Variants in DPP4 observed in about 807,000 individuals in gnomAD.
The protein encoded by DPP4 is dipeptidyl peptidase 4, also known as ADCP-2.
DPP4 carries 93 observed loss-of-function variants against 122.4 expected under a neutral mutation model. The observed-to-expected ratio is 0.76, with a 90% CI of 0.64 to 0.90. The LOEUF is 0.90. Ranked by LOEUF, DPP4 falls within the 40% of genes least tolerant of loss-of-function variation. The probability of loss-of-function intolerance (pLI) is 0.00; values close to 1 mark genes in which losing one functional copy is unlikely to be tolerated. For synonymous variants in DPP4, 321 were observed against 302.9 expected (o/e 1.06, Z -0.62); for missense variants, 914 against 907.3 (o/e 1.01, Z -0.09).
chr2:162,032,831 A>AAGGTGC (rs1288616911), intron 10 of DPP4, among the ~76,000 whole-genome samples: 2 of 152,228 alleles, frequency 1.3e-5, no homozygotes, highest in African/African-American at 4.8e-5. Context: ...CAAGGGGCTG[A>AAGGTGC]AGGTGCTCCA....
chr2:162,066,973 A>T (rs1684967391), intron 2 of DPP4, among the ~76,000 whole-genome samples: 1 of 152,282 alleles, frequency 6.6e-6, no homozygotes, highest in Admixed American at 6.5e-5. Flanking sequence ...TCAAATTTCA[A>T]CATGAGGTTT....
intron 20 of DPP4, among the ~76,000 whole-genome samples, chr2:162,011,149 T>C (rs1254071013): frequency 1.3e-5 from 2 of 152,154 alleles, no homozygotes; most frequent in Non-Finnish European, 2.9e-5. Flanking sequence ...TCATGCAACA[T>C]GCATCTTATG....
At chr2:162,067,255 A>G (rs1684979157) in intron 2 of DPP4, among the ~76,000 whole-genome samples, 1 of 152,190 alleles carries the variant, frequency 6.6e-6, no homozygotes, top group Non-Finnish European at 1.5e-5. Flanking sequence ...CAACTGAGGA[A>G]AACAAGAAAA....
chr2:162,030,575 G>A (rs73007396), intron 10 of DPP4, among the ~76,000 whole-genome samples: 1,524 of 152,274 alleles, frequency 0.01, 30 homozygotes, highest in African/African-American at 0.035. Context: ...ACTAAGAGGC[G>A]TAACTCACCT....
chr2:162,030,694 C>T (rs923333511), intron 10 of DPP4, among the ~76,000 whole-genome samples: 5 of 152,114 alleles, frequency 3.3e-5, no homozygotes, highest in Non-Finnish European at 7.4e-5. Flanking sequence ...CTAGAAAAAC[C>T]GCAACCTTAC....
chr2:162,064,965 A>T (rs1327430546), intron 2 of DPP4, among the ~76,000 whole-genome samples: 8 of 152,244 alleles, frequency 5.3e-5, no homozygotes, highest in Non-Finnish European at 8.8e-5. Flanking sequence ...CGTAATGAAA[A>T]GAGAGCAATA....
intron 24 of DPP4, 44 bp from the exon 25 acceptor site, chr2:161,995,078 C>T (rs777104425): frequency 1.3e-6 from 2 of 1,596,334 alleles, no homozygotes; most frequent in African/African-American, 2.7e-5. Context: ...ATAGCCACTC[C>T]AGTTTTCTGG....
intron 9 of DPP4, 132 bp downstream of exon 9, chr2:162,035,032 G>A: frequency 1.2e-6 from 1 of 809,864 alleles, no homozygotes; most frequent in Non-Finnish European, 1.8e-6. Flanking sequence ...AGATGCTGTT[G>A]ACTTCAGCAA....
chr2:162,048,985 G>A (rs548711994), intron 2 of DPP4, among the ~76,000 whole-genome samples: 2 of 152,292 alleles, frequency 1.3e-5, no homozygotes, highest in Admixed American at 6.5e-5. Flanking sequence ...TCAAGCCAAC[G>A]TGATTCCTCT....
chr2:162,039,395 C>T (rs1683908691), intron 5 of DPP4, among the ~76,000 whole-genome samples: 2 of 152,138 alleles, frequency 1.3e-5, no homozygotes, highest in East Asian at 3.9e-4. Context: ...TACAACCTAG[C>T]TCTGGCACCA....
At chr2:162,072,758 A>G (rs1161475905) in intron 2 of DPP4, among the ~76,000 whole-genome samples, 8 of 152,232 alleles carry the variant, frequency 5.3e-5, no homozygotes, top group Non-Finnish European at 1.2e-4. Flanking sequence ...GTCCTTAAAT[A>G]AAAGAATCCA....
Position 162,020,254 on chromosome 2 carries a change from T to C in DPP4, c.1219A>G (p.Ile407Val), listed in dbSNP as rs758988616. Residue 407 changes from isoleucine to valine, a missense_variant, in exon 14 of 26, where the codon ATA becomes GTA. Transcript: ENST00000360534. ...ITKGTWEVIG[I>V]EALTSDYLYY... ...AGATAATCACTGGTTAGAGCTTCTA[T>C]CCCGATGACTTCCCAGGTGCCTTTT... The C allele has an allele frequency of 6.2e-7, 1 of 1,603,978 alleles. No homozygotes were observed. The highest frequency in any genetic ancestry group is 8.5e-7 in the Non-Finnish European group (1 of 1,175,766).
At chr2:162,072,123 T>C (rs1351480012) in intron 2 of DPP4, among the ~76,000 whole-genome samples, 3 of 152,238 alleles carry the variant, frequency 2.0e-5, no homozygotes, top group Non-Finnish European at 1.5e-5. Flanking sequence ...GGCCTTTATA[T>C]TTATATTTAC....
chr2:162,009,514 TG>T (rs1220061671), intron 20 of DPP4, among the ~76,000 whole-genome samples: 2 of 27,530 alleles, frequency 7.3e-5, no homozygotes, highest in African/African-American at 1.4e-3. Context: ...TCATAAAAAT[TG>T]TGTGTGTGTG....
intron 10 of DPP4, chr2:162,032,208 G>T (rs1683571943): frequency 6.6e-6 from 1 of 152,170 alleles, no homozygotes. Flanking sequence ...AGAAAGTCAG[G>T]TTTGAATATA....
chr2:162,041,176 AT>A (rs1309816592), intron 5 of DPP4, among the ~76,000 whole-genome samples: 18 of 152,152 alleles, frequency 1.2e-4, no homozygotes, highest in Non-Finnish European at 4.4e-5. Flanking sequence ...ATAAAAATGT[AT>A]ATGATCACAT....
intron 2 of DPP4, among the ~76,000 whole-genome samples, chr2:162,058,215 T>C (rs1002957572): frequency 2.0e-5 from 3 of 152,248 alleles, no homozygotes; most frequent in Admixed American, 6.5e-5. Flanking sequence ...TAGGTTATTT[T>C]GAGCCTTGAG....
At chr2:162,065,852 T>C (rs1437884450) in intron 2 of DPP4, among the ~76,000 whole-genome samples, 2 of 152,230 alleles carry the variant, frequency 1.3e-5, no homozygotes, top group African/African-American at 4.8e-5. Context: ...TTTATGTGTC[T>C]TTTAATGCTG....
intron 2 of DPP4, among the ~76,000 whole-genome samples, chr2:162,054,498 T>C (rs896155869): frequency 6.6e-6 from 1 of 152,098 alleles, no homozygotes; most frequent in East Asian, 1.9e-4. Context: ...GGTCTGAGTG[T>C]CCCCCAAAAT....
Sources: allele counts gnomAD v4.1 joint callset (sites outside exome capture counted in the v4.1 genomes callset), GRCh38; gene constraint gnomAD v4.1.1; transcripts MANE v1.5; gene names NCBI Gene and HGNC (gene_info 2026-07-23, HGNC 2026-07-21).